NLGN1: variants seen among roughly 807,000 people sequenced by gnomAD.
NLGN1 encodes the protein neuroligin-1.
NLGN1 carries 12 observed loss-of-function variants against 65.5 expected under a neutral mutation model. That is an observed-to-expected ratio of 0.18 (90% CI 0.12 to 0.30). The LOEUF is 0.30. Among genes scored for constraint, NLGN1 ranks in the 10% least tolerant of loss-of-function variants. The pLI is 1.00. For synonymous variants in NLGN1, 350 were observed against 359.5 expected (o/e 0.97, Z 0.30); for missense variants, 750 against 1,007.1 (o/e 0.74, Z 3.46).
At chr3:173,600,721 A>AT (rs913847493) in intron 2 of NLGN1, among the ~76,000 whole-genome samples, 47 of 151,258 alleles carry the variant, frequency 3.1e-4, no homozygotes, top group African/African-American at 1.1e-3. Context: ...CATTAGAGTA[A>AT]TTTTTTTTAG....
At chr3:174,010,666 T>C (rs1455261299) in intron 4 of NLGN1, among the ~76,000 whole-genome samples, 1 of 152,152 alleles carries the variant, frequency 6.6e-6, no homozygotes, top group African/African-American at 2.4e-5. Flanking sequence ...TTATAACAGG[T>C]AAAATGATGA....
At chr3:173,785,633 T>C (rs989791943) in intron 3 of NLGN1, among the ~76,000 whole-genome samples, 3 of 152,092 alleles carry the variant, frequency 2.0e-5, no homozygotes, top group African/African-American at 7.2e-5. Context: ...ACATAGATAT[T>C]TTAATGGCAT....
chr3:174,095,074 G>A (rs1440758426), intron 4 of NLGN1, among the ~76,000 whole-genome samples: 1 of 152,084 alleles, frequency 6.6e-6, no homozygotes, highest in Non-Finnish European at 1.5e-5. Context: ...AGGGATTAAG[G>A]ACTGGATAAG....
chr3:173,573,094 T>G (rs966410655), intron 2 of NLGN1, among the ~76,000 whole-genome samples: 12 of 152,204 alleles, frequency 7.9e-5, no homozygotes, highest in African/African-American at 2.9e-4. Context: ...AACTATTTCC[T>G]CAGTACCTGT....
intron 3 of NLGN1, among the ~76,000 whole-genome samples, chr3:173,778,286 AAATT>A (rs1780613226): frequency 6.6e-6 from 1 of 151,924 alleles, no homozygotes; most frequent in South Asian, 2.1e-4. Context: ...TGAAATTTAT[AAATT>A]AACCAAATGA....
intron 4 of NLGN1, among the ~76,000 whole-genome samples, chr3:174,146,150 T>TCCC (rs1723228553): frequency 7.0e-6 from 1 of 143,674 alleles, no homozygotes; most frequent in African/African-American, 2.9e-5. Context: ...CCTTCCTTCC[T>TCCC]TCCTCTCTCC....
chr3:174,042,883 G>A (rs982072327), intron 4 of NLGN1, among the ~76,000 whole-genome samples: 1 of 152,110 alleles, frequency 6.6e-6, no homozygotes, highest in Non-Finnish European at 1.5e-5. Context: ...ATGATGCCCT[G>A]TATTAGTTCC....
chr3:174,278,881 G>A, exon 6 of NLGN1: 1 of 1,492,726 alleles, frequency 6.7e-7, no homozygotes, highest in Middle Eastern at 1.8e-4. Flanking sequence ...ACGAGCAATA[G>A]CTCAAAGTGG....
At chr3:173,930,205 A>G (rs1232362294) in intron 4 of NLGN1, among the ~76,000 whole-genome samples, 1 of 152,208 alleles carries the variant, frequency 6.6e-6, no homozygotes, top group East Asian at 1.9e-4. Flanking sequence ...TTATACTTTA[A>G]TATCATTTAT....
chr3:173,658,520 TA>T (rs1760426180), intron 3 of NLGN1, among the ~76,000 whole-genome samples: 1 of 152,038 alleles, frequency 6.6e-6, no homozygotes, highest in South Asian at 2.1e-4. Flanking sequence ...ACTGTAAAAT[TA>T]ATTTGGAAAT....
At chr3:173,675,778 C>G (rs1269511074) in intron 3 of NLGN1, among the ~76,000 whole-genome samples, 2 of 151,632 alleles carry the variant, frequency 1.3e-5, no homozygotes. Context: ...TTGACTCTTG[C>G]GGTGGACACA....
intron 4 of NLGN1, among the ~76,000 whole-genome samples, chr3:174,217,857 C>A (rs1000179176): frequency 6.6e-5 from 10 of 151,936 alleles, no homozygotes; most frequent in African/African-American, 2.4e-4. Flanking sequence ...ATACATCAGG[C>A]ATTGGAGGGA....
chr3:173,882,654 T>C (rs1227577517), intron 4 of NLGN1, among the ~76,000 whole-genome samples: 1 of 152,240 alleles, frequency 6.6e-6, no homozygotes, highest in Non-Finnish European at 1.5e-5. Context: ...TTCATAGAAT[T>C]GAAGAGAGTT....
intron 3 of NLGN1, among the ~76,000 whole-genome samples, chr3:173,718,777 A>C (rs1020443602): frequency 1.3e-5 from 2 of 152,204 alleles, no homozygotes; most frequent in Non-Finnish European, 2.9e-5. Flanking sequence ...ATAAGTGGTA[A>C]CATGTAATAA....
intron 1 of NLGN1, among the ~76,000 whole-genome samples, chr3:173,415,740 A>G (rs931940471): frequency 6.6e-6 from 1 of 152,126 alleles, no homozygotes; most frequent in Non-Finnish European, 1.5e-5. Context: ...AATATATTGT[A>G]GTAGAGTCAG....
chr3:174,270,125 CTT>C (rs10547985), intron 4 of NLGN1, among the ~76,000 whole-genome samples: 14,112 of 120,004 alleles, frequency 0.12, 741 homozygotes, highest in Non-Finnish European at 0.13. Flanking sequence ...GGTTTCCTTT[CTT>C]TTTTTTTTTT....
chr3:173,726,254 T>C (rs1771755746), intron 3 of NLGN1, among the ~76,000 whole-genome samples: 1 of 151,534 alleles, frequency 6.6e-6, no homozygotes, highest in Admixed American at 6.6e-5. Context: ...TAGGAAGGAG[T>C]AAAATTTTGG....
intron 3 of NLGN1, among the ~76,000 whole-genome samples, chr3:173,780,951 C>T (rs1427289433): frequency 1.3e-5 from 2 of 151,894 alleles, no homozygotes; most frequent in East Asian, 3.9e-4. Flanking sequence ...ACCATCATGC[C>T]TAACACGGTG....
At chr3:173,766,382 C>G (rs555359560) in intron 3 of NLGN1, among the ~76,000 whole-genome samples, 2 of 152,134 alleles carry the variant, frequency 1.3e-5, no homozygotes, top group Non-Finnish European at 2.9e-5. Flanking sequence ...AGCCACTGCA[C>G]CCAGCCTCAT....
Sources: allele counts gnomAD v4.1 joint callset (sites outside exome capture counted in the v4.1 genomes callset), GRCh38; gene constraint gnomAD v4.1.1; transcripts MANE v1.5; gene names NCBI Gene and HGNC (gene_info 2026-07-23, HGNC 2026-07-21).